Variants in RUSC2 observed in about 807,000 individuals in gnomAD.
The protein encoded by RUSC2 is RUN and SH3 domain containing 2.
In RUSC2, 34 loss-of-function variants were observed where a neutral mutation model predicts 122.2. The observed-to-expected ratio is 0.28, with a 90% confidence interval of 0.21 to 0.37. RUSC2 has a LOEUF of 0.37. RUSC2 is among the 10% of genes least tolerant of loss of function. RUSC2 has a pLI of 1.00. For synonymous variants in RUSC2, 784 were observed against 790.0 expected (o/e 0.99, Z 0.13); for missense variants, 1,747 against 1,952.4 (o/e 0.89, Z 1.98).
At chr9:35,542,843 T>A (rs1443951649) in intron 1 of RUSC2, among the ~76,000 whole-genome samples, 1 of 152,258 alleles carries the variant, frequency 6.6e-6, no homozygotes, top group Non-Finnish European at 1.5e-5. Flanking sequence ...ATTCTGTATC[T>A]GTACATCAGT....
chr9:35,501,556 G>A (rs1820817317), intron 1 of RUSC2, among the ~76,000 whole-genome samples: 1 of 152,180 alleles, frequency 6.6e-6, no homozygotes, highest in South Asian at 2.1e-4. Context: ...CTGCCTGGGT[G>A]ACAGAGTGAG....
chr9:35,543,210 G>C (rs1364451366), intron 1 of RUSC2, among the ~76,000 whole-genome samples: 1 of 152,174 alleles, frequency 6.6e-6, no homozygotes, highest in Non-Finnish European at 1.5e-5. Context: ...TGGATAACTT[G>C]AGCCCAAGAG....
intron 1 of RUSC2, among the ~76,000 whole-genome samples, chr9:35,493,659 C>T (rs959202787): frequency 6.6e-5 from 10 of 152,112 alleles, no homozygotes; most frequent in Admixed American, 1.3e-4. Context: ...CACGCCACCA[C>T]GCCCGGCTAA....
chr9:35,514,941 A>G (rs148304410), intron 1 of RUSC2, among the ~76,000 whole-genome samples: 6 of 152,300 alleles, frequency 3.9e-5, no homozygotes, highest in Admixed American at 2.6e-4. Flanking sequence ...CAATTCCACC[A>G]TAACTCGGTC....
intron 1 of RUSC2, among the ~76,000 whole-genome samples, chr9:35,522,419 C>G (rs1821233675): frequency 6.6e-6 from 1 of 152,204 alleles, no homozygotes; most frequent in South Asian, 2.1e-4. Context: ...ATTAGGCCTC[C>G]TCTGCTTCAA....
chr9:35,510,077 G>A (rs2132504394), intron 1 of RUSC2, among the ~76,000 whole-genome samples: 1 of 152,280 alleles, frequency 6.6e-6, no homozygotes, highest in South Asian at 2.1e-4. Context: ...ATTGAAGTGA[G>A]TTCCTATGCC....
At chr9:35,495,268 T>G (rs1462109927) in intron 1 of RUSC2, among the ~76,000 whole-genome samples, 2 of 109,756 alleles carry the variant, frequency 1.8e-5, no homozygotes, top group Non-Finnish European at 1.9e-5. Context: ...AATATATTTT[T>G]TATATATTAT....
chr9:35,535,278 G>A (rs1431399657), intron 1 of RUSC2, among the ~76,000 whole-genome samples: 4 of 151,762 alleles, frequency 2.6e-5, no homozygotes, highest in Non-Finnish European at 5.9e-5. Context: ...ACCACACCCC[G>A]CTAATTTTTG....
In RUSC2 at chr9:35,555,210, T is replaced by C; in HGVS notation, c.2165T>C (p.Leu722Pro). The C allele has an allele frequency of 6.2e-7, 1 of 1,613,120 alleles. No individual in the cohort carries two copies. Among genetic ancestry groups the C allele is most frequent in the Non-Finnish European group, 8.5e-7 (1 of 1,179,980 alleles). Residue 722 changes from leucine (L) to proline (P), a missense_variant, in exon 3 of 12, where the codon CTC becomes CCC. Leu to Pro is a moderately conservative substitution (Grantham distance 98). Coordinates refer to ENST00000361226, the MANE Select transcript of RUSC2 (RefSeq NM_014806.5). This position sits in a 1 kb window ranked among gnomAD's most constrained non-coding sequence, Gnocchi z 4.6. ...CACAGCCTTTCCCAGCTCTACAGCCTCTCAGGCTGCAGCCGTACACAGCAG... is the reference window on the plus strand; with the variant it reads ...CACAGCCTTTCCCAGCTCTACAGCCCCTCAGGCTGCAGCCGTACACAGCAG... ...ALHSLSQLYSLSGCSRTQQPA... is the reference protein window; with the variant it reads ...ALHSLSQLYSPSGCSRTQQPA...
Position 35,560,540 on chromosome 9 carries a change from C to T in RUSC2, c.3900C>T (p.Ser1300=), listed in dbSNP as rs763813681. ...CTCGTGGTAGCAGCAACAGCAGCAG[C>T]GAGAAAAAGAAAGGGGCAGGAGGTG... ...RFPRGSSNSS[S]EKKKGAGGGG... is the part of the protein sequence containing the mutation. Residue 1300 remains serine, a synonymous_variant, in exon 10 of 12, where the codon AGC becomes AGT. Coordinates refer to ENST00000361226, the MANE Select transcript of RUSC2 (RefSeq NM_014806.5). The T allele has an allele frequency of 9.9e-6, 16 of 1,613,946 alleles. No individual in the cohort carries two copies. The highest frequency in any genetic ancestry group is 3.3e-4 in the Middle Eastern group (2 of 6,084).
rs1821826616 is a variant in RUSC2, at chr9:35,548,692, C to G, written c.2014+157C>G. The G allele has an allele frequency of 5.1e-6, 5 of 985,366 alleles. No homozygotes were observed. The highest frequency in any genetic ancestry group is 5.2e-4 in the Middle Eastern group (1 of 1,914). 61.0% of individuals were successfully genotyped at this position (985,366 alleles called of 1,614,324 possible). ...TTCTAGGCCAGGGCAGGACCCACAGCTACAGTGGAATAGGCTCACTGGAGA... is the reference window on the plus strand; with the variant it reads ...TTCTAGGCCAGGGCAGGACCCACAGGTACAGTGGAATAGGCTCACTGGAGA... On this transcript the variant is annotated intron_variant, in intron 2 of 11. Coordinates refer to ENST00000361226, the MANE Select transcript of RUSC2 (RefSeq NM_014806.5). The surrounding 1 kb of genome is among the most constrained non-coding windows in gnomAD (Gnocchi z 4.5).
At chr9:35,514,743 CA>C (rs1420421595) in intron 1 of RUSC2, among the ~76,000 whole-genome samples, 1 of 152,122 alleles carries the variant, frequency 6.6e-6, no homozygotes, top group African/African-American at 2.4e-5. Flanking sequence ...ATGGCAGCTC[CA>C]CAGTCATTAG....
chr9:35,502,035 G>A (rs1221571816), intron 1 of RUSC2, among the ~76,000 whole-genome samples: 1 of 151,924 alleles, frequency 6.6e-6, no homozygotes, highest in Non-Finnish European at 1.5e-5. Flanking sequence ...AGTACTGTTG[G>A]TCTCTTTGTC....
chr9:35,518,218 C>G (rs1159785250), intron 1 of RUSC2, among the ~76,000 whole-genome samples: 1 of 152,212 alleles, frequency 6.6e-6, no homozygotes, highest in East Asian at 1.9e-4. Flanking sequence ...GTCTTCTTGC[C>G]AGCACCCTGA....
At chr9:35,519,993 C>T (rs771207760) in intron 1 of RUSC2, among the ~76,000 whole-genome samples, 2 of 152,186 alleles carry the variant, frequency 1.3e-5, no homozygotes, top group South Asian at 4.1e-4. Flanking sequence ...GCTGAATACT[C>T]AGGACCCAGG....
At chr9:35,529,308 A>C (rs1821377319) in intron 1 of RUSC2, among the ~76,000 whole-genome samples, 1 of 152,006 alleles carries the variant, frequency 6.6e-6, no homozygotes, top group Admixed American at 6.6e-5. Context: ...GAGTGCTGGG[A>C]ACACGGCAAA....
At chr9:35,506,987 G>A (rs1245189679) in intron 1 of RUSC2, among the ~76,000 whole-genome samples, 2 of 152,026 alleles carry the variant, frequency 1.3e-5, no homozygotes, top group African/African-American at 2.4e-5. Flanking sequence ...GTGTGGTGGT[G>A]CACACCTGTA....
intron 1 of RUSC2, among the ~76,000 whole-genome samples, chr9:35,527,052 T>C (rs143951471): frequency 2.6e-5 from 4 of 152,334 alleles, no homozygotes; most frequent in Non-Finnish European, 5.9e-5. Context: ...GTGCTGTTTC[T>C]ATGTGATTTC....
At chr9:35,536,299 C>A (rs1167672687) in intron 1 of RUSC2, among the ~76,000 whole-genome samples, 1 of 152,230 alleles carries the variant, frequency 6.6e-6, no homozygotes, top group Non-Finnish European at 1.5e-5. Flanking sequence ...CAACAACCTG[C>A]AACCACTGGT....
Sources: allele counts gnomAD v4.1 joint callset (sites outside exome capture counted in the v4.1 genomes callset), GRCh38; gene constraint gnomAD v4.1.1; non-coding constraint Gnocchi (gnomAD v3.1); transcripts MANE v1.5; gene names NCBI Gene and HGNC (gene_info 2026-07-23, HGNC 2026-07-21).